CD38: variants seen among roughly 807,000 people sequenced by gnomAD.
CD38 encodes CD38 molecule, also known as ADP-ribosyl cyclase/cyclic ADP-ribose hydrolase 1.
A neutral mutation model predicts 36.3 loss-of-function variants in CD38; 31 were observed. The ratio of observed to expected loss-of-function variants is 0.85; its 90% CI spans 0.64 to 1.15. The LOEUF is 1.15. Ranked by LOEUF, CD38 falls within the 50% of genes most tolerant of loss-of-function variation. CD38 has a pLI of 0.00. For missense variants in CD38, 380 were observed against 371.9 expected, an observed-to-expected ratio of 1.02 and a Z score of -0.18; for synonymous variants, 131 against 135.2, an observed-to-expected ratio of 0.97 and a Z score of 0.22.
chr4:15,788,900 T>C (rs1159114578), intron 1 of CD38, among the ~76,000 whole-genome samples: 1 of 152,202 alleles, frequency 6.6e-6, no homozygotes, highest in African/African-American at 2.4e-5. Flanking sequence ...TAAAAAGCTA[T>C]AAACGTTGGG....
intron 5 of CD38, among the ~76,000 whole-genome samples, chr4:15,839,409 ACATTT>A: frequency 7.0e-6 from 1 of 142,904 alleles, no homozygotes; most frequent in South Asian, 2.2e-4. Flanking sequence ...TTGAAATTCT[ACATTT>A]CTTTTTTTTT....
rs147831339 is a variant in CD38, at chr4:15,813,623, G to A, written c.234-2888G>A. The stretch of plus-strand genomic sequence containing the variant: ...CTCCCCACCCCCGCCGACAGGCCCC[G>A]GTGTGTGTTGTTCCCCTCCCTGTGT... On this transcript the variant is annotated intron_variant, in intron 1 of 7. Transcript: ENST00000226279. Among the ~76,000 whole-genome samples, 1,200 of 151,672 alleles carry A rather than the reference G, an allele frequency of 7.9e-3. 36 individuals carry two copies. Among genetic ancestry groups the A allele is most frequent in the Admixed American group, 0.048 (726 of 15,214 alleles).
At position 15,853,191 on chromosome 4, in the gene CD38, G is replaced by A. The variant is rs528025417; in HGVS notation, c.*4589G>A. On this transcript the variant is annotated 3_prime_UTR_variant, in exon 8 of 8. Transcript: ENST00000226279. ...TCTAGTTTGAAATTTATTTGTAACA[G>A]ACAAAAATGAATTAAACAAACAATA... 3.9e-5 allele frequency: 6 copies of A among 152,290 alleles called. No homozygotes were observed. The highest frequency in any genetic ancestry group is 2.1e-4 in the South Asian group (1 of 4,826). 9.4% of individuals were successfully genotyped at this position (152,290 alleles called of 1,614,324 possible).
chr4:15,824,786 T>G lies in CD38; in HGVS notation c.364-95T>G, dbSNP rs1388857870. On this transcript the variant is annotated intron_variant, in intron 2 of 7. Coordinates refer to ENST00000226279, the MANE Select transcript of CD38 (RefSeq NM_001775.4). ...TTACTATGGGTGATTTACTTTGATATGCTCTGTTTTTTTTTTCATTTACAA... is the reference window on the plus strand; with the variant it reads ...TTACTATGGGTGATTTACTTTGATAGGCTCTGTTTTTTTTTTCATTTACAA... 5 of 943,968 alleles carry G rather than the reference T, an allele frequency of 5.3e-6. No individual in the cohort carries two copies. Among genetic ancestry groups the G allele is most frequent in the South Asian group, 1.5e-5 (1 of 65,122 alleles). The allele number at this position is 943,968 out of a possible 1,614,324, so 58.5% of individuals were successfully genotyped here.
chr4:15,795,218 C>CGT lies in CD38; in HGVS notation c.233+16588_233+16589dup, dbSNP rs143299140. ...AATAGATGAAATCAAGAATTAGTTT[C>CGT]GTGTGTGTGTGTGTGTGTATTTCAC... On this transcript the variant is annotated intron_variant, in intron 1 of 7. Coordinates refer to ENST00000226279, the MANE Select transcript of CD38 (RefSeq NM_001775.4). Among the ~76,000 whole-genome samples the CGT allele has an allele frequency of 5.2e-3, 781 of 149,608 alleles. 2 individuals are homozygous for CGT. The highest frequency in any genetic ancestry group is 0.013 in the South Asian group (62 of 4,734).
intron 2 of CD38, among the ~76,000 whole-genome samples, chr4:15,820,244 C>T (rs992401721): frequency 1.3e-5 from 2 of 152,120 alleles, no homozygotes; most frequent in Admixed American, 6.5e-5. Flanking sequence ...AGAAACACAC[C>T]GAAGTACACA....
intron 1 of CD38, among the ~76,000 whole-genome samples, chr4:15,813,613 G>A (rs1723520244): frequency 6.6e-6 from 1 of 151,542 alleles, no homozygotes; most frequent in South Asian, 2.1e-4. Context: ...CACCCCCGCC[G>A]ACAGGCCCCG....
intron 1 of CD38, among the ~76,000 whole-genome samples, chr4:15,787,963 C>T: frequency 6.6e-6 from 1 of 152,184 alleles, no homozygotes; most frequent in East Asian, 1.9e-4. Context: ...AGACAAACTC[C>T]CCTACATTCC....
Position 15,848,925 on chromosome 4 carries a change from A to G in CD38, c.*323A>G, listed in dbSNP as rs1234760278. The G allele has an allele frequency of 5.3e-6, 1 of 189,138 alleles. No homozygotes were observed. The highest frequency in any genetic ancestry group is 2.3e-5 in the African/African-American group (1 of 42,910). The allele number at this position is 189,138 out of a possible 1,614,324, so 11.7% of individuals were successfully genotyped here. A position where few individuals can be genotyped will look rare whatever the true frequency, so the allele number is the denominator to read the frequency against. Reference sequence around the variant, plus strand: ...GTAACATCCTTTCTATTGAAAAATCACCACACCAAACCTCTCTTATTAGAA... The same window carrying G: ...GTAACATCCTTTCTATTGAAAAATCGCCACACCAAACCTCTCTTATTAGAA... On this transcript the variant is annotated 3_prime_UTR_variant, in exon 8 of 8. Coordinates refer to ENST00000226279, the MANE Select transcript of CD38 (RefSeq NM_001775.4).
rs560331685 is a variant in CD38, at chr4:15,852,293, G to T, written c.*3691G>T. Reference sequence around the variant, plus strand: ...TTGGTAACTTTCTGTGCCTTTTGTAGCTCTTGTTTGGAAGAAGCTCAACCC... The same window carrying T: ...TTGGTAACTTTCTGTGCCTTTTGTATCTCTTGTTTGGAAGAAGCTCAACCC... On this transcript the variant is annotated 3_prime_UTR_variant, in exon 8 of 8. Coordinates refer to ENST00000226279, the MANE Select transcript of CD38 (RefSeq NM_001775.4). 1 of 152,170 alleles carries T rather than the reference G, an allele frequency of 6.6e-6. No individual in the cohort carries two copies. Among genetic ancestry groups the T allele is most frequent in the Non-Finnish European group, 1.5e-5 (1 of 68,036 alleles). 9.4% of individuals were successfully genotyped at this position (152,170 alleles called of 1,614,324 possible). A position where few individuals can be genotyped will look rare whatever the true frequency, so the allele number is the denominator to read the frequency against.
rs56207146 is a variant in CD38 at position 15,819,915 on chromosome 4, A to G, written c.363+3275A>G. 6.4e-3 allele frequency among the ~76,000 whole-genome samples: 980 copies of G among 152,292 alleles called. 6 individuals are homozygous for G. The highest frequency in any genetic ancestry group is 8.2e-3 in the Non-Finnish European group (559 of 68,012). ...GAGAACCCCAGTAAGATACTCCATG[A>G]GAAGATCAACCCCAAGACACATAAT... On this transcript the variant is annotated intron_variant, in intron 2 of 7. Transcript: ENST00000226279.
chr4:15,805,644 A>G (rs140001648), intron 1 of CD38, among the ~76,000 whole-genome samples: 2 of 152,362 alleles, frequency 1.3e-5, no homozygotes, highest in East Asian at 1.9e-4. Context: ...AAGTGTTTCT[A>G]GCACCTAGTA....
intron 7 of CD38, among the ~76,000 whole-genome samples, chr4:15,842,301 C>A (rs1266377297): frequency 7.3e-6 from 1 of 137,842 alleles, no homozygotes; most frequent in Non-Finnish European, 1.5e-5. Flanking sequence ...CAGGGGCACA[C>A]TGACACCTCA....
At chr4:15,813,893 G>T (rs188722910) in intron 1 of CD38, among the ~76,000 whole-genome samples, 1 of 152,256 alleles carries the variant, frequency 6.6e-6, no homozygotes, top group African/African-American at 2.4e-5. Flanking sequence ...ATTGTAAATA[G>T]TGCTCCAATA....
At chr4:15,831,711 CCTTT>C (rs1385453572) in intron 3 of CD38, among the ~76,000 whole-genome samples, 2 of 152,086 alleles carry the variant, frequency 1.3e-5, no homozygotes, top group African/African-American at 4.8e-5. Flanking sequence ...CTTTTAGGAT[CCTTT>C]CTTTATCTTG....
chr4:15,799,115 T>C (rs1159484792), intron 1 of CD38, among the ~76,000 whole-genome samples: 1 of 152,218 alleles, frequency 6.6e-6, no homozygotes, highest in Admixed American at 6.5e-5. Flanking sequence ...AAAAGGGTTA[T>C]AAATATTCTA....
intron 2 of CD38, 49 bp downstream of exon 2, chr4:15,816,689 G>A: frequency 1.2e-6 from 2 of 1,600,978 alleles, no homozygotes; most frequent in South Asian, 2.2e-5. Context: ...AAAAGCCAAT[G>A]GTAACAATTC....
In CD38 at chr4:15,838,119, C is replaced by A. The variant is rs201824472; in HGVS notation, c.613C>A (p.His205Asn). 13 of 1,613,622 alleles carry A rather than the reference C, an allele frequency of 8.1e-6. No homozygotes were observed. Among genetic ancestry groups the A allele is most frequent in the Non-Finnish European group, 1.1e-5 (13 of 1,179,840 alleles). Residue 205 changes from histidine (H) to asparagine (N), a missense_variant, in exon 5 of 8, where the codon CAT becomes AAT. By Grantham distance (68) the His-to-Asn change is moderately conservative (BLOSUM62 1). Coordinates refer to ENST00000226279, the MANE Select transcript of CD38 (RefSeq NM_001775.4). Reference sequence around the variant, plus strand: ...TGCAGAAGCTGCCTGTGATGTGGTCCATGTGATGCTCAATGGATCCCGCAG... The same window carrying A: ...TGCAGAAGCTGCCTGTGATGTGGTCAATGTGATGCTCAATGGATCCCGCAG... The part of the protein sequence containing the change: ...RFAEAACDVV[H>N]VMLNGSRSKI...
intron 2 of CD38, among the ~76,000 whole-genome samples, chr4:15,819,305 A>C (rs145146410): frequency 0.014 from 2,105 of 152,166 alleles, 22 homozygotes; most frequent in Middle Eastern, 0.048. Flanking sequence ...CACATTCTGC[A>C]CATGTAACCC....
Sources: gnomAD v4.1 joint callset for allele counts (sites outside exome capture counted in the v4.1 genomes callset) on GRCh38, gnomAD v4.1.1 for gene constraint, MANE v1.5 for transcripts, NCBI Gene and HGNC (gene_info 2026-07-23, HGNC 2026-07-21) for gene names.